Variants in PCDH15 observed in about 807,000 individuals in gnomAD.
The protein encoded by PCDH15 is protocadherin related 15.
A neutral mutation model predicts 178.5 loss-of-function variants in PCDH15; 129 were observed. The observed-to-expected ratio is 0.72, with a 90% CI of 0.63 to 0.84. The LOEUF is 0.84. PCDH15 is among the 40% of genes least tolerant of loss of function. The pLI is 0.00. For synonymous variants in PCDH15, 800 were observed against 732.0 expected (o/e 1.09, Z -1.50); for missense variants, 2,230 against 2,099.9 (o/e 1.06, Z -1.21).
intron 19 of PCDH15, among the ~76,000 whole-genome samples, chr10:54,021,440 C>T (rs771940786): frequency 6.6e-6 from 1 of 151,804 alleles, no homozygotes; most frequent in African/African-American, 2.4e-5. Context: ...GCTTAAAATC[C>T]CCTGGTTTTT....
At chr10:54,984,121 C>T (rs2131908106) in intron 2 of PCDH15, among the ~76,000 whole-genome samples, 1 of 152,246 alleles carries the variant, frequency 6.6e-6, no homozygotes, top group Non-Finnish European at 1.5e-5. Flanking sequence ...GCTGACACCC[C>T]AAAGTATGGT....
At chr10:54,881,373 G>T (rs776706837) in intron 3 of PCDH15, among the ~76,000 whole-genome samples, 2 of 152,010 alleles carry the variant, frequency 1.3e-5, no homozygotes, top group African/African-American at 2.4e-5. Flanking sequence ...TTTCAGAAGC[G>T]ATATTTAGTT....
chr10:54,085,436 TAATA>T (rs1038592495), intron 16 of PCDH15, among the ~76,000 whole-genome samples: 2 of 152,152 alleles, frequency 1.3e-5, no homozygotes, highest in African/African-American at 4.8e-5. Flanking sequence ...CAACCTCCCT[TAATA>T]AATAACTATA....
At chr10:54,135,421 T>A (rs1045832362) in intron 14 of PCDH15, among the ~76,000 whole-genome samples, 1 of 152,214 alleles carries the variant, frequency 6.6e-6, no homozygotes. Context: ...TATATACTTA[T>A]AATTATTAAT....
chr10:55,538,193 A>G (rs1841627562), intron 2 of PCDH15, among the ~76,000 whole-genome samples: 1 of 152,192 alleles, frequency 6.6e-6, no homozygotes, highest in South Asian at 2.1e-4. Context: ...ACAGTCAGAA[A>G]CTTCTAAGTT....
Position 53,888,300 on chromosome 10 carries a change from A to ATGTATATATATACG in PCDH15, c.3501+14942_3501+14943insCGTATATATATACA, listed in dbSNP as rs1554845150. 7.3e-5 allele frequency among the ~76,000 whole-genome samples: 6 copies of ATGTATATATATACG among 82,018 alleles called. 1 individual carries two copies. The highest frequency in any genetic ancestry group is 2.5e-4 in the African/African-American group (5 of 19,984). 53.8% of individuals were successfully genotyped at this position (82,018 alleles called of 152,430 possible). A position where few individuals can be genotyped will look rare whatever the true frequency, so the allele number is the denominator to read the frequency against. On this transcript the variant is annotated intron_variant, in intron 26 of 37. Transcript: ENST00000644397. ...TCCAACACTATATATACATATATAT[A>ATGTATATATATACG]TATATATATGTATATATGTACGTAT...
intron 8 of PCDH15, among the ~76,000 whole-genome samples, chr10:54,285,090 A>ACCAATTTTATTC (rs2058951337): frequency 6.6e-6 from 1 of 152,230 alleles, no homozygotes; most frequent in Non-Finnish European, 1.5e-5. Context: ...TTTATTCAAT[A>ACCAATTTTATTC]AATACTTACT....
At chr10:54,748,123 T>C (rs1242055832) in intron 1 of PCDH15, among the ~76,000 whole-genome samples, 11 of 152,148 alleles carry the variant, frequency 7.2e-5, no homozygotes, top group Admixed American at 3.9e-4. Context: ...GGTTACATTC[T>C]TATTTGAGAT....
chr10:54,204,982 T>C (rs10763083), intron 10 of PCDH15, among the ~76,000 whole-genome samples: 33,387 of 152,026 alleles, frequency 0.22, 4,884 homozygotes, highest in East Asian at 0.82. Flanking sequence ...TCTGCTGTAT[T>C]GCTTATTTGT....
At chr10:55,191,965 A>C (rs2132146907) in intron 1 of PCDH15, among the ~76,000 whole-genome samples, 1 of 152,080 alleles carries the variant, frequency 6.6e-6, no homozygotes, top group Admixed American at 6.6e-5. Flanking sequence ...ATTAGTTAAA[A>C]AATAGACGTT....
chr10:55,228,178 A>G (rs540641154), intron 1 of PCDH15, among the ~76,000 whole-genome samples: 9 of 152,236 alleles, frequency 5.9e-5, no homozygotes, highest in Admixed American at 3.9e-4. Context: ...CATAATAAGC[A>G]TATCATGTAT....
intron 3 of PCDH15, among the ~76,000 whole-genome samples, chr10:54,449,208 G>A (rs12269080): frequency 0.014 from 2,119 of 151,806 alleles, 49 homozygotes; most frequent in African/African-American, 0.047. Context: ...ACTTCCCACT[G>A]AACCTGAGCC....
intron 3 of PCDH15, among the ~76,000 whole-genome samples, chr10:54,471,276 G>T (rs1283175111): frequency 6.6e-6 from 1 of 151,804 alleles, no homozygotes; most frequent in Non-Finnish European, 1.5e-5. Flanking sequence ...GAAGAACAGG[G>T]GTTGGTCTTG....
chr10:54,617,393 T>C (rs1282932993), intron 2 of PCDH15, among the ~76,000 whole-genome samples: 1 of 152,068 alleles, frequency 6.6e-6, no homozygotes, highest in African/African-American at 2.4e-5. Context: ...TAAAATTGTG[T>C]TTTCAAAGCC....
chr10:55,199,766 T>C (rs1043881641), intron 1 of PCDH15, among the ~76,000 whole-genome samples: 10 of 152,080 alleles, frequency 6.6e-5, no homozygotes, highest in South Asian at 2.1e-4. Flanking sequence ...GCATCCCAGC[T>C]GCTCTAGCTC....
chr10:54,317,517 G>A (rs1378970600), intron 7 of PCDH15, 76 bp from the exon 8 acceptor site: 1 of 1,547,858 alleles, frequency 6.5e-7, no homozygotes, highest in East Asian at 2.2e-5. Flanking sequence ...GCCCATACCT[G>A]TAATCCCAGA....
At position 53,806,793 on chromosome 10, in the gene PCDH15, A is replaced by AGAGT. The variant is rs1554814752; in HGVS notation, c.5005_5008dup (p.Leu1670HisfsTer13). The AGAGT allele has an allele frequency of 6.2e-7, 1 of 1,613,722 alleles. No homozygotes were observed. The highest frequency in any genetic ancestry group is 8.5e-7 in the Non-Finnish European group (1 of 1,179,826). On this transcript the variant is annotated frameshift_variant, in exon 38 of 38. Transcript: ENST00000644397. LOFTEE classifies it high-confidence loss of function. Reference sequence around the variant, plus strand: ...CACAGGGCAAGGGGCAAATGTAACCAGAGTTGGTCTTGCATTCATTTTTTC... The same window carrying AGAGT: ...CACAGGGCAAGGGGCAAATGTAACCAGAGTGAGTTGGTCTTGCATTCATTTTTTC...
intron 2 of PCDH15, among the ~76,000 whole-genome samples, chr10:55,044,050 T>C (rs1244521331): frequency 6.6e-6 from 1 of 152,128 alleles, no homozygotes; most frequent in Non-Finnish European, 1.5e-5. Context: ...AGCTAAGATA[T>C]TTAAAAGTCC....
At chr10:54,833,535 C>G (rs1953263299) in intron 3 of PCDH15, among the ~76,000 whole-genome samples, 1 of 152,194 alleles carries the variant, frequency 6.6e-6, no homozygotes, top group South Asian at 2.1e-4. Context: ...TTCCAGCATG[C>G]TGGCTTGCAC....
Sources: gnomAD v4.1 joint callset for allele counts (sites outside exome capture counted in the v4.1 genomes callset) on GRCh38, gnomAD v4.1.1 for gene constraint, MANE v1.5 for transcripts, NCBI Gene and HGNC (gene_info 2026-07-23, HGNC 2026-07-21) for gene names.